The following TESPA1 variants were observed in gnomAD, a reference collection of about 807,000 sequenced individuals.
TESPA1 encodes the protein thymocyte expressed, positive selection associated 1.
A neutral mutation model predicts 57.9 loss-of-function variants in TESPA1; 33 were observed. That is an observed-to-expected ratio of 0.57 (90% confidence interval 0.43 to 0.76). The LOEUF (loss-of-function observed/expected upper bound fraction) is 0.76, where lower values mean the gene tolerates loss of function less well. TESPA1 is among the 30% of genes least tolerant of loss of function. The probability of loss-of-function intolerance (pLI) is 0.00; values close to 1 mark genes in which losing one functional copy is unlikely to be tolerated. For synonymous variants in TESPA1, 227 were observed against 228.9 expected, an observed-to-expected ratio of 0.99 and a Z score of 0.07; for missense variants, 618 against 632.9, an observed-to-expected ratio of 0.98 and a Z score of 0.25.
chr12:54,981,484 CG>C (rs1256121491), intron 1 of TESPA1, among the ~76,000 whole-genome samples: 1 of 151,500 alleles, frequency 6.6e-6, no homozygotes, highest in Non-Finnish European at 1.5e-5. Flanking sequence ...GACGAGTTAA[CG>C]GGTGCAGCAC....
In TESPA1 at chr12:54,973,797, C is replaced by G. The variant is rs1449367074; in HGVS notation, c.164-278G>C. The stretch of plus-strand genomic sequence containing the variant: ...CTGTCTTTTGAGAGTTCCTTTCCCA[C>G]AAGGGTGGATCCTTCTCATTTAAAA... On this transcript the variant is annotated intron_variant, in intron 2 of 10. Transcript: ENST00000449076. 5.7e-6 allele frequency: 7 copies of G among 1,217,740 alleles called. No homozygotes were observed. The African/African-American group carries it at 9.4e-5, about 16-fold the overall frequency. 75.4% of individuals were successfully genotyped at this position (1,217,740 alleles called of 1,614,324 possible).
chr12:54,963,672 G>T, intron 8 of TESPA1, 70 bp downstream of exon 8: 1 of 1,502,656 alleles, frequency 6.7e-7, no homozygotes, highest in Non-Finnish European at 9.0e-7. Flanking sequence ...AGGATTTGAA[G>T]CCACTGAGCC....
At chr12:54,980,416 G>T (rs1454712071) in intron 1 of TESPA1, among the ~76,000 whole-genome samples, 1 of 152,224 alleles carries the variant, frequency 6.6e-6, no homozygotes, top group Non-Finnish European at 1.5e-5. Flanking sequence ...TGGGAGGAGA[G>T]AATCTGCCTG....
In TESPA1 at chr12:54,962,525, G is replaced by T. The variant is rs1002565155; in HGVS notation, c.1373C>A (p.Ser458Tyr). The part of the protein sequence containing the change: ...MGRKVKSLDL[S>Y]ITQQKWKQSV... ...CTGCTTCCATTTCTGCTGGGTGATG[G>T]ACAGGTCCAAGGACTTAACCTTCCT... The change falls in exon 9 of 11, where the codon TCC (serine) becomes TAC (tyrosine). Residue 458 changes from serine (S) to tyrosine (Y), a missense_variant. Ser to Tyr is a moderately radical substitution (Grantham distance 144). This residue lies in a region of TESPA1 where 409 missense variants were observed against 420.1 expected (regional missense o/e 0.97). Transcript: ENST00000449076. 3 of 1,613,574 alleles carry T rather than the reference G, an allele frequency of 1.9e-6. No homozygotes were observed. In the African/African-American group the frequency reaches 4.0e-5, roughly 22 times the overall value.
chr12:54,974,590 C>G lies in TESPA1; in HGVS notation c.-28G>C. 2.0e-6 allele frequency: 3 copies of G among 1,508,460 alleles called. No individual in the cohort carries two copies. The highest frequency in any genetic ancestry group is 1.8e-6 in the Non-Finnish European group (2 of 1,125,218). 93.4% of individuals were successfully genotyped at this position (1,508,460 alleles called of 1,614,324 possible). The stretch of plus-strand genomic sequence containing the variant: ...CCCTGGCTCAGACTTCAGGGCCTCC[C>G]GTAACAGTAATGCCGTCCTAAGAGT... On this transcript the variant is annotated 5_prime_UTR_variant, in exon 2 of 11. Coordinates refer to ENST00000449076, the MANE Select transcript of TESPA1 (RefSeq NM_001136030.3).
At chr12:54,958,585 A>G (rs1950880046) in intron 10 of TESPA1, among the ~76,000 whole-genome samples, 1 of 151,888 alleles carries the variant, frequency 6.6e-6, no homozygotes, top group Admixed American at 6.6e-5. Context: ...ATTCTCAATT[A>G]TTATTGTTTC....
At chr12:54,954,593 G>C (rs11171191) in intron 10 of TESPA1, among the ~76,000 whole-genome samples, 17,249 of 152,274 alleles carry the variant, frequency 0.11, 2,351 homozygotes, top group East Asian at 0.64. Flanking sequence ...TTGAGGATGT[G>C]CAGAGAAGAG....
chr12:54,957,863 CAACT>C (rs1950830450), intron 10 of TESPA1, among the ~76,000 whole-genome samples: 1 of 152,148 alleles, frequency 6.6e-6, no homozygotes. Flanking sequence ...CAAAAAAAGA[CAACT>C]AAATTGGCTG....
chr12:54,982,700 C>T (rs534167302), intron 1 of TESPA1, among the ~76,000 whole-genome samples: 4 of 152,348 alleles, frequency 2.6e-5, no homozygotes, highest in African/African-American at 9.6e-5. Context: ...TAGATGGCTT[C>T]ATCAAGAGAA....
chr12:54,958,023 A>C (rs553339742), intron 10 of TESPA1, among the ~76,000 whole-genome samples: 11 of 152,228 alleles, frequency 7.2e-5, no homozygotes, highest in Non-Finnish European at 1.5e-4. Context: ...AATGGAATCT[A>C]GTTAGGTACT....
intron 1 of TESPA1, among the ~76,000 whole-genome samples, chr12:54,978,551 C>G (rs377670132): frequency 1.3e-5 from 2 of 152,272 alleles, no homozygotes; most frequent in East Asian, 1.9e-4. Flanking sequence ...ATACCAAATT[C>G]CCTTTCAAAT....
chr12:54,982,085 C>G (rs1181840291), intron 1 of TESPA1: 1 of 152,272 alleles, frequency 6.6e-6, no homozygotes, highest in East Asian at 1.9e-4. Flanking sequence ...CGGGAAATCC[C>G]AGAGTAGCTA....
In TESPA1 at chr12:54,949,891, G is replaced by T. The variant is rs1370028886; in HGVS notation, c.*501C>A. On this transcript the variant is annotated 3_prime_UTR_variant, in exon 11 of 11. Coordinates refer to ENST00000449076, the MANE Select transcript of TESPA1 (RefSeq NM_001136030.3). ...TAGGAATACAGGGATGAACAGAGGTGCAGAGGGAATCCTAGTGTGAGATGT... is the reference window on the plus strand; with the variant it reads ...TAGGAATACAGGGATGAACAGAGGTTCAGAGGGAATCCTAGTGTGAGATGT... 1 of 160,328 alleles carries T rather than the reference G, an allele frequency of 6.2e-6. No homozygotes were observed. Among genetic ancestry groups the T allele is most frequent in the Non-Finnish European group, 1.4e-5 (1 of 73,318 alleles). The allele number at this position is 160,328 out of a possible 1,614,324, so 9.9% of individuals were successfully genotyped here.
At chr12:54,958,844 T>A (rs951917540) in intron 10 of TESPA1, among the ~76,000 whole-genome samples, 2 of 152,320 alleles carry the variant, frequency 1.3e-5, no homozygotes, top group Admixed American at 1.3e-4. Flanking sequence ...CACCATTTTT[T>A]ATCTCTAGCA....
At chr12:54,955,365 A>G in intron 10 of TESPA1, among the ~76,000 whole-genome samples, 1 of 152,246 alleles carries the variant, frequency 6.6e-6, no homozygotes, top group Non-Finnish European at 1.5e-5. Context: ...CAAGGAGGGT[A>G]GCACCTGTCT....
Position 54,976,908 on chromosome 12 carries a change from A to C in TESPA1, c.-45-2301T>G, listed in dbSNP as rs536282500. ...CTGAAAATACTTACCTCTTTTTTTA[A>C]CCTCGGTTTTCTCAAATTCTTTCCC... On this transcript the variant is annotated intron_variant, in intron 1 of 10. Coordinates refer to ENST00000449076, the MANE Select transcript of TESPA1 (RefSeq NM_001136030.3). Among the ~76,000 whole-genome samples the C allele has an allele frequency of 6.3e-4, 96 of 151,862 alleles. 1 individual carries two copies. Among genetic ancestry groups the C allele is most frequent in the Admixed American group, 2.8e-3 (43 of 15,260 alleles).
intron 10 of TESPA1, among the ~76,000 whole-genome samples, chr12:54,958,525 C>T (rs1276153412): frequency 6.7e-6 from 1 of 150,372 alleles, no homozygotes; most frequent in Non-Finnish European, 1.5e-5. Context: ...TTTCGGTGTT[C>T]TCTGAGCTCT....
chr12:54,965,265 G>T (rs1410192618), intron 7 of TESPA1, among the ~76,000 whole-genome samples: 1 of 152,136 alleles, frequency 6.6e-6, no homozygotes, highest in Non-Finnish European at 1.5e-5. Flanking sequence ...GTGCTAGGGT[G>T]GTTTGCTGCA....
chr12:54,959,289 A>C (rs1264351163), intron 10 of TESPA1, among the ~76,000 whole-genome samples: 1 of 152,138 alleles, frequency 6.6e-6, no homozygotes, highest in Non-Finnish European at 1.5e-5. Flanking sequence ...CCCTTCCTTC[A>C]GGTCGGTTAG....
Sources: gnomAD v4.1 joint callset for allele counts (sites outside exome capture counted in the v4.1 genomes callset) on GRCh38, gnomAD v4.1.1 for gene constraint, gnomAD v4.1.1 regional missense constraint, MANE v1.5 for transcripts, NCBI Gene and HGNC (gene_info 2026-07-23, HGNC 2026-07-21) for gene names.